DRC11: variants seen among roughly 807,000 people sequenced by gnomAD.
The protein encoded by DRC11 is dynein regulatory complex subunit 11.
At chr2:236,468,323 C>G in the DRC11 span, among the ~76,000 whole-genome samples, 1 of 152,250 alleles carries the variant, frequency 6.6e-6, no homozygotes, top group East Asian at 1.9e-4. Context: ...AACTCCTAGA[C>G]TCAGGCAACT....
the DRC11 span, among the ~76,000 whole-genome samples, chr2:236,311,697 C>CGTGCGTGTGT: frequency 1.6e-3 from 227 of 138,790 alleles, no homozygotes; most frequent in African/African-American, 5.4e-3. This position sits in a 1 kb window ranked among gnomAD's most constrained non-coding sequence, Gnocchi z 6.9. Context: ...GGATGGGGTG[C>CGTGCGTGTGT]GTGTGTGTGT....
the DRC11 span, among the ~76,000 whole-genome samples, chr2:236,319,539 G>A: frequency 2.0e-5 from 3 of 152,164 alleles, no homozygotes; most frequent in Non-Finnish European, 4.4e-5. The surrounding 1 kb of genome is among the most constrained non-coding windows in gnomAD (Gnocchi z 6.7). Flanking sequence ...TGGGTTAGTG[G>A]CCTTGGGAAC....
chr2:236,358,364 A>C, the DRC11 span, among the ~76,000 whole-genome samples: 6 of 130,496 alleles, frequency 4.6e-5, no homozygotes, highest in East Asian at 4.4e-4. Context: ...ATGAATATAT[A>C]ATATATAGAT....
chr2:236,404,174 A>T, the DRC11 span, among the ~76,000 whole-genome samples: 1 of 151,554 alleles, frequency 6.6e-6, no homozygotes, highest in African/African-American at 2.4e-5. Context: ...AAAAAAAAAA[A>T]AAAAAGAAAA....
the DRC11 span, chr2:236,392,200 G>T: frequency 6.8e-7 from 1 of 1,465,852 alleles, no homozygotes; most frequent in Non-Finnish European, 9.5e-7. The surrounding 1 kb of genome is among the most constrained non-coding windows in gnomAD (Gnocchi z 5.1). Context: ...CACAATGGTT[G>T]AAGTAAATGA....
chr2:236,400,481 ACC>A, the DRC11 span, among the ~76,000 whole-genome samples: 5 of 152,086 alleles, frequency 3.3e-5, no homozygotes, highest in Non-Finnish European at 5.9e-5. This position sits in a 1 kb window ranked among gnomAD's most constrained non-coding sequence, Gnocchi z 7.9. Flanking sequence ...GGCCCTGCAA[ACC>A]CTCATGTGAT....
the DRC11 span, among the ~76,000 whole-genome samples, chr2:236,321,226 T>C: frequency 1.3e-5 from 2 of 152,144 alleles, no homozygotes; most frequent in African/African-American, 2.4e-5. Context: ...AAGGATGGAA[T>C]AGCAAAAGGG....
At chr2:236,439,398 T>C in the DRC11 span, among the ~76,000 whole-genome samples, 1 of 152,338 alleles carries the variant, frequency 6.6e-6, no homozygotes, top group South Asian at 2.1e-4. Flanking sequence ...AAAATAATTA[T>C]GTCAATAAAA....
chr2:236,311,934 T>A, the DRC11 span, among the ~76,000 whole-genome samples: 1 of 152,066 alleles, frequency 6.6e-6, no homozygotes, highest in Admixed American at 6.5e-5. This position sits in a 1 kb window ranked among gnomAD's most constrained non-coding sequence, Gnocchi z 6.9. Flanking sequence ...TCCTCTAGTG[T>A]TTTCATTCTA....
the DRC11 span, among the ~76,000 whole-genome samples, chr2:236,448,819 C>A: frequency 6.6e-6 from 1 of 152,046 alleles, no homozygotes; most frequent in African/African-American, 2.4e-5. This position sits in a 1 kb window ranked among gnomAD's most constrained non-coding sequence, Gnocchi z 5.3. Context: ...ATGTCTAGAC[C>A]AGGGCACCTT....
chr2:236,338,772 C>T, the DRC11 span, among the ~76,000 whole-genome samples: 1 of 152,196 alleles, frequency 6.6e-6, no homozygotes, highest in African/African-American at 2.4e-5. Flanking sequence ...TTGCTGATTG[C>T]TGGAACAATG....
chr2:236,401,754 G>A, the DRC11 span, among the ~76,000 whole-genome samples: 1 of 151,574 alleles, frequency 6.6e-6, no homozygotes, highest in East Asian at 1.9e-4. This position sits in a 1 kb window ranked among gnomAD's most constrained non-coding sequence, Gnocchi z 4.6. Context: ...CAGGGGGTTG[G>A]TGCGGGGAAG....
the DRC11 span, among the ~76,000 whole-genome samples, chr2:236,470,682 A>G: frequency 2.0e-5 from 3 of 152,214 alleles, no homozygotes; most frequent in African/African-American, 7.2e-5. The surrounding 1 kb of genome is among the most constrained non-coding windows in gnomAD (Gnocchi z 5.1). Flanking sequence ...TGTTTATACA[A>G]TATACCTACT....
chr2:236,422,180 C>T, the DRC11 span, among the ~76,000 whole-genome samples: 3 of 152,104 alleles, frequency 2.0e-5, no homozygotes, highest in Admixed American at 1.3e-4. Flanking sequence ...CACTCATATT[C>T]AACATAGTAT....
At chr2:236,437,516 C>A in the DRC11 span, among the ~76,000 whole-genome samples, 1 of 151,688 alleles carries the variant, frequency 6.6e-6, no homozygotes, top group Non-Finnish European at 1.5e-5. Context: ...GGCATCGCCA[C>A]ACTGACTTCC....
chr2:236,422,670 A>G, the DRC11 span, among the ~76,000 whole-genome samples: 1 of 152,198 alleles, frequency 6.6e-6, no homozygotes, highest in South Asian at 2.1e-4. Context: ...CAAGCTACCA[A>G]TGACTTTCTT....
At chr2:236,453,013 T>A in the DRC11 span, among the ~76,000 whole-genome samples, 1 of 152,200 alleles carries the variant, frequency 6.6e-6, no homozygotes, top group Non-Finnish European at 1.5e-5. The surrounding 1 kb of genome is among the most constrained non-coding windows in gnomAD (Gnocchi z 4.9). Context: ...GAGAGTACCT[T>A]AGGAAGAGAT....
At chr2:236,320,033 G>C in the DRC11 span, among the ~76,000 whole-genome samples, 2 of 152,348 alleles carry the variant, frequency 1.3e-5, no homozygotes, top group South Asian at 2.1e-4. Flanking sequence ...ACGGCACACA[G>C]AGAGTGCTCG....
the DRC11 span, among the ~76,000 whole-genome samples, chr2:236,388,569 T>G: frequency 6.7e-6 from 1 of 148,264 alleles, no homozygotes; most frequent in Admixed American, 6.7e-5. Context: ...TCTTCTAAAT[T>G]TTTTTCAAAG....
Sources: gnomAD v4.1 joint callset for allele counts (sites outside exome capture counted in the v4.1 genomes callset) on GRCh38, gnomAD v4.1.1 for gene constraint, Gnocchi (gnomAD v3.1) non-coding constraint, MANE v1.5 for transcripts, NCBI Gene and HGNC (gene_info 2026-07-23, HGNC 2026-07-21) for gene names.